Variants in HYDIN observed in about 807,000 individuals in gnomAD.
HYDIN encodes the protein axonemal central pair apparatus protein HYDIN.
A neutral mutation model predicts 403.9 loss-of-function variants in HYDIN; 132 were observed. The ratio of observed to expected loss-of-function variants is 0.33; its 90% CI spans 0.28 to 0.38. HYDIN has a LOEUF of 0.38. Among genes scored for constraint, HYDIN ranks in the 10% least tolerant of loss-of-function variants. The pLI is 1.00. For missense variants in HYDIN, 2,827 were observed against 5,009.5 expected (o/e 0.56, Z 13.15); for synonymous variants, 1,202 against 1,891.7 (o/e 0.64, Z 9.46).
intron 18 of HYDIN, among the ~76,000 whole-genome samples, chr16:71,046,397 G>A (rs929360424): frequency 2.0e-5 from 3 of 152,018 alleles, no homozygotes; most frequent in African/African-American, 7.2e-5. Flanking sequence ...CATATGTAAG[G>A]CAACTGTGCA....
At chr16:70,835,483 G>T (rs7498646) in intron 78 of HYDIN, among the ~76,000 whole-genome samples, 193 bp downstream of exon 78, 1 of 152,220 alleles carries the variant, frequency 6.6e-6, no homozygotes, top group African/African-American at 2.4e-5. Context: ...CAAAAACAGT[G>T]TGGGACTAGT....
intron 1 of HYDIN, among the ~76,000 whole-genome samples, chr16:71,218,936 C>T (rs1247907857): frequency 6.6e-6 from 1 of 152,146 alleles, no homozygotes; most frequent in African/African-American, 2.4e-5. Flanking sequence ...CTACTTTTGG[C>T]TTCATAAACA....
At chr16:71,101,730 A>G (rs2083460990) in intron 10 of HYDIN, among the ~76,000 whole-genome samples, 1 of 152,292 alleles carries the variant, frequency 6.6e-6, no homozygotes, top group African/African-American at 2.4e-5. Context: ...GGTTATAGGC[A>G]CATCTCCTGC....
At position 70,807,895 on chromosome 16, in the gene HYDIN, G is replaced by C. The variant is rs1289843291; in HGVS notation, c.15051C>G (p.Leu5017=). The C allele has an allele frequency of 5.6e-6, 9 of 1,614,062 alleles. No homozygotes were observed. The highest frequency in any genetic ancestry group is 6.8e-6 in the Non-Finnish European group (8 of 1,180,022). ...SLAGGEYIIP[L]FGMALPPKPQ... Reference sequence around the variant, plus strand: ...GCTTGGGAGGCAGAGCCATTCCAAAGAGGGGGATGATATACTCTCCACCTG... The same window carrying C: ...GCTTGGGAGGCAGAGCCATTCCAAACAGGGGGATGATATACTCTCCACCTG... Residue 5017 remains leucine (L), a synonymous_variant, in exon 86 of 86, where the codon CTC becomes CTG. Coordinates refer to ENST00000393567, the MANE Select transcript of HYDIN (RefSeq NM_001270974.2).
Position 70,995,899 on chromosome 16 carries a change from C to T in HYDIN, c.3645-3689G>A, listed in dbSNP as rs529828522. The stretch of plus-strand genomic sequence containing the variant: ...TTAAAACTGATGACTGCAGCAGATG[C>T]TGCCAGTGCACTTCATTAGGGTGAT... On this transcript the variant is annotated intron_variant, in intron 23 of 85. Transcript: ENST00000393567. Among the ~76,000 whole-genome samples the T allele has an allele frequency of 7.9e-5, 12 of 151,470 alleles. No homozygotes were observed. The South Asian group carries it at 2.5e-3, about 32-fold the overall frequency.
intron 12 of HYDIN, among the ~76,000 whole-genome samples, chr16:71,087,111 T>C (rs1378181569): frequency 4.6e-5 from 7 of 152,032 alleles, no homozygotes; most frequent in Non-Finnish European, 8.8e-5. Context: ...AGATAAGTCT[T>C]GAGACTTAAA....
intron 37 of HYDIN, 56 bp downstream of exon 37, chr16:70,964,672 T>C (rs1163360945): frequency 8.4e-6 from 13 of 1,546,056 alleles, no homozygotes; most frequent in Non-Finnish European, 1.2e-5. Flanking sequence ...GCAGGGGTAA[T>C]TCAGAGGGGC....
chr16:70,960,644 A>G (rs1300001364), intron 38 of HYDIN, among the ~76,000 whole-genome samples: 3 of 152,096 alleles, frequency 2.0e-5, no homozygotes, highest in East Asian at 1.9e-4. Context: ...TTCACATAAT[A>G]TATCTTGGAC....
intron 19 of HYDIN, among the ~76,000 whole-genome samples, chr16:71,030,786 G>A (rs2080878118): frequency 6.6e-6 from 1 of 152,098 alleles, no homozygotes; most frequent in East Asian, 1.9e-4. Context: ...TGTCTATACT[G>A]TACCACAGCT....
intron 6 of HYDIN, among the ~76,000 whole-genome samples, chr16:71,157,709 A>T (rs1307612254): frequency 2.0e-5 from 3 of 149,950 alleles, no homozygotes; most frequent in Non-Finnish European, 4.5e-5. Flanking sequence ...AAGAGTCTAA[A>T]CAGGAAAACA....
chr16:71,120,004 T>C (rs949872020), intron 9 of HYDIN, among the ~76,000 whole-genome samples: 1 of 151,634 alleles, frequency 6.6e-6, no homozygotes, highest in African/African-American at 2.4e-5. Context: ...ATCCAGAAAT[T>C]TCCTTCCTGG....
chr16:70,842,946 A>C (rs1200067131), intron 75 of HYDIN, among the ~76,000 whole-genome samples: 1 of 151,964 alleles, frequency 6.6e-6, no homozygotes, highest in Non-Finnish European at 1.5e-5. Context: ...GGTTGCAAGG[A>C]AGATTACAAT....
At chr16:71,029,620 TA>T (rs2080833266) in intron 19 of HYDIN, among the ~76,000 whole-genome samples, 1 of 125,346 alleles carries the variant, frequency 8.0e-6, no homozygotes. Flanking sequence ...TACCCTCGCT[TA>T]CGGCCAATAG....
chr16:71,185,085 G>C (rs943617237), intron 2 of HYDIN, 95 bp from the exon 3 acceptor site: 1 of 789,388 alleles, frequency 1.3e-6, no homozygotes, highest in Non-Finnish European at 1.8e-6. Context: ...TGTGTTTGCA[G>C]CTTTCAGGAT....
chr16:70,902,291 A>G (rs1476325880), intron 52 of HYDIN, among the ~76,000 whole-genome samples: 2 of 126,750 alleles, frequency 1.6e-5, no homozygotes, highest in Admixed American at 1.6e-4. Context: ...TGGAGTTGAT[A>G]TTATTAACCC....
chr16:71,127,864 C>A (rs897996450), intron 9 of HYDIN, among the ~76,000 whole-genome samples: 1 of 152,054 alleles, frequency 6.6e-6, no homozygotes, highest in African/African-American at 2.4e-5. Flanking sequence ...TGGGCTTGAC[C>A]TATTTTCACT....
At chr16:70,811,424 G>A (rs1004123136) in intron 84 of HYDIN, 2 of 153,166 alleles carry the variant, frequency 1.3e-5, no homozygotes, top group Non-Finnish European at 2.9e-5. Context: ...AAGACGCAGT[G>A]AGACCCCATC....
intron 6 of HYDIN, among the ~76,000 whole-genome samples, chr16:71,158,089 C>G (rs969714653): frequency 1.3e-5 from 2 of 152,006 alleles, no homozygotes; most frequent in Non-Finnish European, 2.9e-5. Context: ...AGCCAGGAGG[C>G]TAGGAAGGCT....
At chr16:70,944,652 G>A (rs764937102) in intron 41 of HYDIN, among the ~76,000 whole-genome samples, 13 of 152,236 alleles carry the variant, frequency 8.5e-5, no homozygotes, top group Non-Finnish European at 1.3e-4. Context: ...ACCAGAATAC[G>A]CAGGGCCTTG....
Sources: gnomAD v4.1 joint callset for allele counts (sites outside exome capture counted in the v4.1 genomes callset) on GRCh38, gnomAD v4.1.1 for gene constraint, MANE v1.5 for transcripts, NCBI Gene and HGNC (gene_info 2026-07-23, HGNC 2026-07-21) for gene names.